AP2B1: variants seen among roughly 807,000 people sequenced by gnomAD.
AP2B1 encodes the protein AP-2 complex subunit beta.
In AP2B1, 23 loss-of-function variants were observed where a neutral mutation model predicts 102.0. The ratio of observed to expected loss-of-function variants is 0.23; its 90% confidence interval spans 0.16 to 0.32. AP2B1 has a LOEUF of 0.32. AP2B1 is among the 10% of genes least tolerant of loss of function. The pLI is 1.00. For synonymous variants in AP2B1, 381 were observed against 421.2 expected (o/e 0.90, Z 1.17); for missense variants, 541 against 1,157.4 (o/e 0.47, Z 7.73).
intron 12 of AP2B1, among the ~76,000 whole-genome samples, chr17:35,642,593 A>G (rs1175331370): frequency 6.6e-6 from 1 of 152,220 alleles, no homozygotes; most frequent in African/African-American, 2.4e-5. Context: ...TATAATGATC[A>G]TCAGTCCATT....
intron 18 of AP2B1, among the ~76,000 whole-genome samples, chr17:35,694,925 A>G (rs1480237007): frequency 1.3e-5 from 2 of 152,020 alleles, no homozygotes; most frequent in African/African-American, 2.4e-5. Flanking sequence ...TAAGCCCTAC[A>G]TAGCAAATAA....
chr17:35,597,166 G>C, intron 2 of AP2B1: 1 of 471,884 alleles, frequency 2.1e-6, no homozygotes, highest in Non-Finnish European at 3.9e-6. Context: ...AATGAGATCT[G>C]GTTGAAAGGA....
At chr17:35,588,597 A>G (rs1314050818) in intron 1 of AP2B1, 2 of 152,262 alleles carry the variant, frequency 1.3e-5, no homozygotes, top group East Asian at 3.8e-4. Flanking sequence ...ATGATTAGTT[A>G]CCTTCCTTGT....
At chr17:35,598,517 G>C (rs1032599477) in intron 3 of AP2B1, among the ~76,000 whole-genome samples, 182 bp downstream of exon 3, 10 of 152,124 alleles carry the variant, frequency 6.6e-5, no homozygotes, top group Non-Finnish European at 8.8e-5. Flanking sequence ...TTGTTTGTTT[G>C]TTTGTTATGG....
intron 20 of AP2B1, among the ~76,000 whole-genome samples, chr17:35,711,410 C>CAAAAA (rs782545206): frequency 5.2e-5 from 6 of 114,532 alleles, no homozygotes; most frequent in African/African-American, 2.0e-4. Context: ...GCACAGAAAG[C>CAAAAA]AAAAAAAAAA....
chr17:35,642,748 G>A (rs1256488867), intron 12 of AP2B1, among the ~76,000 whole-genome samples: 2 of 152,058 alleles, frequency 1.3e-5, no homozygotes, highest in Non-Finnish European at 2.9e-5. Flanking sequence ...CTTTATACTG[G>A]TGTGTAATCA....
intron 2 of AP2B1, among the ~76,000 whole-genome samples, chr17:35,594,390 TA>T (rs2073194422): frequency 6.6e-6 from 1 of 152,216 alleles, no homozygotes; most frequent in Admixed American, 6.5e-5. Context: ...TCCCTTTTAT[TA>T]AATAATTTTT....
chr17:35,624,647 T>C, intron 6 of AP2B1, 60 bp downstream of exon 6: 1 of 1,496,172 alleles, frequency 6.7e-7, no homozygotes, highest in South Asian at 1.3e-5. Flanking sequence ...AGTTCTGGAG[T>C]CTGCTATTAG....
chr17:35,660,362 A>G (rs771957314), intron 14 of AP2B1, among the ~76,000 whole-genome samples: 152 of 152,262 alleles, frequency 1.0e-3, no homozygotes, highest in Non-Finnish European at 7.9e-4. Context: ...CTGCTGGTCC[A>G]TGGGCCACAT....
intron 12 of AP2B1, among the ~76,000 whole-genome samples, chr17:35,643,136 G>T (rs1296927568): frequency 2.7e-5 from 4 of 148,878 alleles, no homozygotes; most frequent in African/African-American, 7.4e-5. Context: ...ATTGAGAATT[G>T]TCTTGGGCCA....
intron 12 of AP2B1, among the ~76,000 whole-genome samples, chr17:35,647,673 T>C (rs1364300772): frequency 6.6e-6 from 1 of 152,166 alleles, no homozygotes; most frequent in Non-Finnish European, 1.5e-5. Context: ...ATGAGTGCAA[T>C]TTAAACAATC....
chr17:35,613,728 G>C (rs1175044362), intron 5 of AP2B1, among the ~76,000 whole-genome samples: 1 of 152,156 alleles, frequency 6.6e-6, no homozygotes, highest in Non-Finnish European at 1.5e-5. Context: ...CTGTAATTAT[G>C]AAGTAGGTAT....
chr17:35,700,057 C>G (rs1195488666), intron 18 of AP2B1, among the ~76,000 whole-genome samples: 1 of 151,962 alleles, frequency 6.6e-6, no homozygotes, highest in Non-Finnish European at 1.5e-5. Flanking sequence ...GATTATGCCT[C>G]CACACTCCAG....
chr17:35,611,431 G>A (rs973208862), intron 5 of AP2B1, among the ~76,000 whole-genome samples: 1 of 152,136 alleles, frequency 6.6e-6, no homozygotes, highest in African/African-American at 2.4e-5. Flanking sequence ...AGATGGTCAG[G>A]GATAAGGCCT....
intron 1 of AP2B1, among the ~76,000 whole-genome samples, chr17:35,589,190 G>A (rs2073002558): frequency 6.6e-6 from 1 of 152,118 alleles, no homozygotes; most frequent in African/African-American, 2.4e-5. Flanking sequence ...TTATGAGCAA[G>A]GTAATACCTG....
intron 11 of AP2B1, among the ~76,000 whole-genome samples, chr17:35,640,434 C>T (rs201707989): frequency 2.0e-5 from 3 of 151,788 alleles, no homozygotes; most frequent in Admixed American, 6.6e-5. Context: ...GACAGGGTTT[C>T]ACCATGTTGG....
intron 13 of AP2B1, among the ~76,000 whole-genome samples, chr17:35,655,760 T>C (rs1035186092): frequency 1.2e-4 from 19 of 152,240 alleles, no homozygotes; most frequent in Non-Finnish European, 2.9e-5. Flanking sequence ...TTTCTAGCAC[T>C]GTATGAGTTC....
intron 13 of AP2B1, among the ~76,000 whole-genome samples, chr17:35,656,640 AATCCCAGCACTTTGGGAGG>A (rs1208299843): frequency 3.7e-4 from 56 of 152,348 alleles, no homozygotes; most frequent in African/African-American, 1.3e-3. Flanking sequence ...TCACGCCTGT[AATCCCAGCACTTTGGGAGG>A]CTAAGGTGGG....
intron 13 of AP2B1, among the ~76,000 whole-genome samples, chr17:35,657,273 A>G (rs550645159): frequency 1.4e-4 from 22 of 152,322 alleles, no homozygotes; most frequent in Non-Finnish European, 2.6e-4. Context: ...CAGGAACCAT[A>G]TATTTTACAG....
Sources: gnomAD v4.1 joint callset for allele counts (sites outside exome capture counted in the v4.1 genomes callset) on GRCh38, gnomAD v4.1.1 for gene constraint, MANE v1.5 for transcripts, NCBI Gene and HGNC (gene_info 2026-07-23, HGNC 2026-07-21) for gene names.